The following MEF2C variants were observed in gnomAD, a reference collection of about 807,000 sequenced individuals.
MEF2C encodes myocyte-specific enhancer factor 2C.
A neutral mutation model predicts 50.5 loss-of-function variants in MEF2C; 6 were observed. That is an observed-to-expected ratio of 0.12 (90% confidence interval 0.07 to 0.23). The LOEUF is 0.23. Ranked by LOEUF, MEF2C falls within the 10% of genes least tolerant of loss-of-function variation. The pLI is 1.00. For synonymous variants in MEF2C, 183 were observed against 228.0 expected, an observed-to-expected ratio of 0.80 and a Z score of 1.78; for missense variants, 276 against 605.0, an observed-to-expected ratio of 0.46 and a Z score of 5.70.
chr5:88,772,990 T>C (rs1002456638), intron 3 of MEF2C: 4 of 851,162 alleles, frequency 4.7e-6, no homozygotes, highest in Non-Finnish European at 5.7e-6. Flanking sequence ...CATATTGTTC[T>C]GATTAGAGAA....
chr5:88,736,867 A>C (rs1764345611), intron 6 of MEF2C: 1 of 985,296 alleles, frequency 1.0e-6, no homozygotes, highest in South Asian at 4.7e-5. Flanking sequence ...TTGCTCTAGC[A>C]GTTCAATAAC....
chr5:88,810,022 C>T (rs1452906737), intron 2 of MEF2C, among the ~76,000 whole-genome samples: 1 of 152,126 alleles, frequency 6.6e-6, no homozygotes, highest in African/African-American at 2.4e-5. Flanking sequence ...GATTTGAATT[C>T]CCCAAAGACC....
intron 2 of MEF2C, among the ~76,000 whole-genome samples, chr5:88,820,798 T>G (rs1169139140): frequency 6.6e-6 from 1 of 151,978 alleles, no homozygotes; most frequent in African/African-American, 2.4e-5. Context: ...GATTTGCTGG[T>G]TTTGTTTATT....
intron 6 of MEF2C, chr5:88,741,431 C>T: frequency 3.0e-6 from 3 of 985,356 alleles, no homozygotes; most frequent in Non-Finnish European, 3.6e-6. Flanking sequence ...ATTTGTATAT[C>T]ACATACTTTC....
At chr5:88,873,046 CGT>C (rs887825702) in intron 1 of MEF2C, among the ~76,000 whole-genome samples, 1 of 150,970 alleles carries the variant, frequency 6.6e-6, no homozygotes, top group African/African-American at 2.5e-5. Flanking sequence ...CTCCCCACAC[CGT>C]ACACACATAC....
At chr5:88,810,013 A>G (rs943921694) in intron 2 of MEF2C, among the ~76,000 whole-genome samples, 2 of 152,104 alleles carry the variant, frequency 1.3e-5, no homozygotes, top group African/African-American at 4.8e-5. Flanking sequence ...CTTCTGCCAG[A>G]TTTGAATTCC....
intron 1 of MEF2C, among the ~76,000 whole-genome samples, chr5:88,863,716 C>T (rs548456346): frequency 1.3e-5 from 2 of 152,296 alleles, no homozygotes; most frequent in African/African-American, 4.8e-5. Context: ...TTTAACACTA[C>T]ACGTACAAAT....
intron 6 of MEF2C, chr5:88,735,184 A>G (rs1763590577): frequency 1.0e-6 from 1 of 985,238 alleles, no homozygotes; most frequent in African/African-American, 1.7e-5. Flanking sequence ...CCGGCTGGGA[A>G]ACCGCAGCCT....
chr5:88,796,166 G>C (rs892739159), intron 3 of MEF2C, among the ~76,000 whole-genome samples: 2 of 152,146 alleles, frequency 1.3e-5, no homozygotes, highest in African/African-American at 4.8e-5. Context: ...AATGGGTTAG[G>C]GAGGAGTCCC....
chr5:88,742,156 A>G (rs935553439), intron 6 of MEF2C: 3 of 985,254 alleles, frequency 3.0e-6, no homozygotes, highest in Non-Finnish European at 2.4e-6. Context: ...ACTGATTTCC[A>G]AAAGAGGGGG....
chr5:88,833,532 T>G (rs1012755425), intron 1 of MEF2C, among the ~76,000 whole-genome samples: 1 of 152,084 alleles, frequency 6.6e-6, no homozygotes, highest in Admixed American at 6.6e-5. Flanking sequence ...TTTGTAGTGG[T>G]TTGAGGAGCC....
At chr5:88,823,468 T>C (rs1400195209) in intron 2 of MEF2C, among the ~76,000 whole-genome samples, 2 of 151,966 alleles carry the variant, frequency 1.3e-5, no homozygotes, top group Admixed American at 6.6e-5. Context: ...AAGCTATTCA[T>C]GTCACACAAC....
chr5:88,730,874 C>A (rs1210188958), intron 7 of MEF2C, among the ~76,000 whole-genome samples: 1 of 152,168 alleles, frequency 6.6e-6, no homozygotes, highest in Admixed American at 6.6e-5. Context: ...AATGTGTTTG[C>A]AGAATGATCT....
intron 2 of MEF2C, among the ~76,000 whole-genome samples, chr5:88,813,332 A>C (rs1037374305): frequency 2.0e-5 from 3 of 152,178 alleles, no homozygotes; most frequent in African/African-American, 7.2e-5. Context: ...GTAAATAACA[A>C]GTTCTAAAAA....
At chr5:88,820,068 T>A (rs160043) in intron 2 of MEF2C, among the ~76,000 whole-genome samples, 64,483 of 151,092 alleles carry the variant, frequency 0.43, 15,782 homozygotes, top group African/African-American at 0.68. Flanking sequence ...ATAAAAATTA[T>A]TTGTAATTAT....
chr5:88,821,051 C>T (rs1808093514), intron 2 of MEF2C, among the ~76,000 whole-genome samples: 2 of 151,782 alleles, frequency 1.3e-5, no homozygotes. Flanking sequence ...TAAATATACC[C>T]TAAATTCTAA....
chr5:88,742,704 C>A, intron 6 of MEF2C: 8 of 985,290 alleles, frequency 8.1e-6, no homozygotes, highest in Non-Finnish European at 9.6e-6. Flanking sequence ...CTGACTTAAC[C>A]TGTAACATTT....
At chr5:88,871,601 C>T (rs1829534172) in intron 1 of MEF2C, among the ~76,000 whole-genome samples, 1 of 151,966 alleles carries the variant, frequency 6.6e-6, no homozygotes. Flanking sequence ...ATAAACTGGG[C>T]ATGTCTCATC....
intron 1 of MEF2C, among the ~76,000 whole-genome samples, chr5:88,827,607 C>T (rs1811416605): frequency 6.6e-6 from 1 of 151,844 alleles, no homozygotes; most frequent in South Asian, 2.1e-4. Flanking sequence ...AAATTCATGT[C>T]AGCTCTAGGT....
Sources: gnomAD v4.1 joint callset for allele counts (sites outside exome capture counted in the v4.1 genomes callset) on GRCh38, gnomAD v4.1.1 for gene constraint, MANE v1.5 for transcripts, NCBI Gene and HGNC (gene_info 2026-07-23, HGNC 2026-07-21) for gene names.